MDGA2: variants seen among roughly 807,000 people sequenced by gnomAD.
MDGA2 encodes the protein MAM domain containing glycosylphosphatidylinositol anchor 2.
In MDGA2, 40 loss-of-function variants were observed where a neutral mutation model predicts 117.8. The ratio of observed to expected loss-of-function variants is 0.34; its 90% CI spans 0.26 to 0.44. The LOEUF (loss-of-function observed/expected upper bound fraction) is 0.44. Among genes scored for constraint, MDGA2 ranks in the 20% least tolerant of loss-of-function variants. The probability of loss-of-function intolerance (pLI) is 1.00; values close to 1 mark genes in which losing one functional copy is unlikely to be tolerated. For missense variants in MDGA2, 1,123 were observed against 1,250.6 expected, an observed-to-expected ratio of 0.90 and a Z score of 1.54; for synonymous variants, 452 against 439.0, an observed-to-expected ratio of 1.03 and a Z score of -0.37.
chr14:47,271,975 CAT>C (rs1428563700), intron 2 of MDGA2, among the ~76,000 whole-genome samples: 177 of 151,630 alleles, frequency 1.2e-3, no homozygotes, highest in African/African-American at 4.2e-3. Context: ...TCTAGATATT[CAT>C]AAACAACGTT....
At chr14:47,107,594 C>G (rs55796782) in intron 5 of MDGA2, among the ~76,000 whole-genome samples, 1 of 143,270 alleles carries the variant, frequency 7.0e-6, no homozygotes, top group Non-Finnish European at 1.6e-5. Flanking sequence ...GCCCAAATTT[C>G]TTCCTCATCT....
intron 2 of MDGA2, among the ~76,000 whole-genome samples, chr14:47,271,688 A>G (rs1257471119): frequency 1.3e-5 from 2 of 152,192 alleles, no homozygotes; most frequent in Non-Finnish European, 2.9e-5. Flanking sequence ...CTCCCTTTAG[A>G]CATAAAACAT....
chr14:47,140,410 T>C (rs373641090), intron 4 of MDGA2, among the ~76,000 whole-genome samples: 8 of 151,844 alleles, frequency 5.3e-5, no homozygotes, highest in African/African-American at 1.9e-4. Context: ...GTTGGCATCA[T>C]ACTATCTGAC....
chr14:46,862,057 T>C (rs1413013748), intron 14 of MDGA2, among the ~76,000 whole-genome samples: 1 of 152,020 alleles, frequency 6.6e-6, no homozygotes, highest in African/African-American at 2.4e-5. Context: ...AGAGACACTG[T>C]GTTCATGCTT....
Position 46,855,605 on chromosome 14 carries a change from G to T in MDGA2, c.2753-451C>A, listed in dbSNP as rs905242839. ...TGAAGCTAGTAAAGGCAAAGGAAAG[G>T]GCTTCTTTCCTGGAGCTTCAGAAGA... On this transcript the variant is annotated intron_variant, in intron 14 of 16. Transcript: ENST00000399232. The surrounding 1 kb of genome is among the most constrained non-coding windows in gnomAD (Gnocchi z 4.1). 5.9e-5 allele frequency among the ~76,000 whole-genome samples: 9 copies of T among 152,072 alleles called. No homozygotes were observed. Among genetic ancestry groups the T allele is most frequent in the Admixed American group, 2.0e-4 (3 of 15,254 alleles).
At chr14:47,217,577 G>A (rs1314333311) in intron 3 of MDGA2, among the ~76,000 whole-genome samples, 1 of 151,850 alleles carries the variant, frequency 6.6e-6, no homozygotes, top group African/African-American at 2.4e-5. Flanking sequence ...AATTCATAAT[G>A]CTCTGTTTGT....
At chr14:47,139,627 T>C (rs996900114) in intron 4 of MDGA2, among the ~76,000 whole-genome samples, 2 of 151,618 alleles carry the variant, frequency 1.3e-5, no homozygotes, top group Admixed American at 1.3e-4. Context: ...TAAAATATTA[T>C]TGAAGTGCTC....
At chr14:47,227,967 C>G (rs1032729564) in intron 2 of MDGA2, among the ~76,000 whole-genome samples, 6 of 152,082 alleles carry the variant, frequency 3.9e-5, no homozygotes, top group African/African-American at 1.4e-4. Flanking sequence ...TTTTAGCCAC[C>G]AAGTGCCTGC....
chr14:47,438,958 A>T (rs1192967532), intron 1 of MDGA2, among the ~76,000 whole-genome samples: 1 of 152,160 alleles, frequency 6.6e-6, no homozygotes, highest in Non-Finnish European at 1.5e-5. Flanking sequence ...CGCCAACTAA[A>T]TCTTTCTACA....
chr14:46,858,594 A>AT (rs1391777110), intron 14 of MDGA2, among the ~76,000 whole-genome samples: 1 of 151,278 alleles, frequency 6.6e-6, no homozygotes. Flanking sequence ...CACCCGGCTA[A>AT]TTTTTTGTAT....
chr14:46,873,697 G>A, intron 13 of MDGA2, 106 bp from the exon 14 acceptor site: 1 of 1,028,018 alleles, frequency 9.7e-7, no homozygotes, highest in Non-Finnish European at 1.4e-6. Context: ...AAGATGGATA[G>A]GAAGATTTGC....
intron 2 of MDGA2, among the ~76,000 whole-genome samples, chr14:47,245,997 C>T (rs1009839500): frequency 3.3e-5 from 5 of 151,774 alleles, no homozygotes; most frequent in Admixed American, 3.3e-4. Flanking sequence ...CTCAAAGTCA[C>T]ATAGAGCTAA....
At chr14:47,663,947 C>G (rs973687876) in intron 1 of MDGA2, among the ~76,000 whole-genome samples, 11 of 152,052 alleles carry the variant, frequency 7.2e-5, no homozygotes, top group Non-Finnish European at 5.9e-5. Flanking sequence ...ACAACAAGAT[C>G]AATACACGTA....
At chr14:47,256,804 A>G (rs1887634870) in intron 2 of MDGA2, among the ~76,000 whole-genome samples, 1 of 151,980 alleles carries the variant, frequency 6.6e-6, no homozygotes, top group Non-Finnish European at 1.5e-5. Flanking sequence ...AAAGAGAGAA[A>G]GAGAGAAGGA....
chr14:47,648,025 AAAC>A (rs1238190482), intron 1 of MDGA2, among the ~76,000 whole-genome samples: 1 of 152,148 alleles, frequency 6.6e-6, no homozygotes, highest in African/African-American at 2.4e-5. Flanking sequence ...AATGCCTACA[AAAC>A]AACAATAAAC....
chr14:46,894,160 A>C (rs1882989117), intron 10 of MDGA2, among the ~76,000 whole-genome samples: 1 of 152,086 alleles, frequency 6.6e-6, no homozygotes, highest in Admixed American at 6.6e-5. Flanking sequence ...ATCTTATAAA[A>C]AATCTATCGA....
intron 1 of MDGA2, among the ~76,000 whole-genome samples, chr14:47,511,144 G>T (rs1894631877): frequency 6.6e-6 from 1 of 152,082 alleles, no homozygotes; most frequent in African/African-American, 2.4e-5. Context: ...TTCAGATCTT[G>T]GGACAGTACC....
At chr14:47,308,921 C>T (rs1889546220) in intron 1 of MDGA2, among the ~76,000 whole-genome samples, 1 of 126,212 alleles carries the variant, frequency 7.9e-6, no homozygotes. Context: ...TGATCATTTG[C>T]TCTCCTTCAG....
At chr14:46,865,348 T>A (rs1472230318) in intron 14 of MDGA2, among the ~76,000 whole-genome samples, 31 of 152,138 alleles carry the variant, frequency 2.0e-4, no homozygotes, top group Non-Finnish European at 1.5e-5. Context: ...CAACGCTTCA[T>A]GCTAAAAACT....
Sources: allele counts gnomAD v4.1 joint callset (sites outside exome capture counted in the v4.1 genomes callset), GRCh38; gene constraint gnomAD v4.1.1; non-coding constraint Gnocchi (gnomAD v3.1); transcripts MANE v1.5; gene names NCBI Gene and HGNC (gene_info 2026-07-23, HGNC 2026-07-21).